The following CSMD1 variants were observed in gnomAD, a reference collection of about 807,000 sequenced individuals.
The protein encoded by CSMD1 is CUB and sushi domain-containing protein 1.
Under a neutral mutation model 417.5 loss-of-function variants are expected in CSMD1, and 213 were observed. The observed-to-expected ratio is 0.51, with a 90% CI of 0.46 to 0.57. CSMD1 has a LOEUF of 0.57. Ranked by LOEUF, CSMD1 falls within the 20% of genes least tolerant of loss-of-function variation. The pLI is 0.00. For missense variants in CSMD1, 6,923 were observed against 4,529.7 expected (o/e 1.53, Z -15.17); for synonymous variants, 2,862 against 1,736.8 (o/e 1.65, Z -16.11).
At chr8:4,387,742 C>G (rs1803553014) in intron 3 of CSMD1, among the ~76,000 whole-genome samples, 1 of 151,996 alleles carries the variant, frequency 6.6e-6, no homozygotes, top group Non-Finnish European at 1.5e-5. Flanking sequence ...CATATTTCTA[C>G]AACATATTCA....
intron 3 of CSMD1, among the ~76,000 whole-genome samples, chr8:4,339,279 A>T (rs1486948292): frequency 6.6e-6 from 1 of 152,136 alleles, no homozygotes; most frequent in Admixed American, 6.6e-5. Context: ...GAAGTTGATA[A>T]CTACTTCAAA....
intron 7 of CSMD1, among the ~76,000 whole-genome samples, chr8:3,663,494 G>A (rs1798525765): frequency 6.6e-6 from 1 of 152,060 alleles, no homozygotes; most frequent in Non-Finnish European, 1.5e-5. Flanking sequence ...ATGAACCTCA[G>A]GGCCCCAAAA....
intron 3 of CSMD1, among the ~76,000 whole-genome samples, chr8:4,179,159 A>G (rs191714622): frequency 6.6e-6 from 1 of 152,116 alleles, no homozygotes; most frequent in Non-Finnish European, 1.5e-5. Context: ...GAGGCATCAC[A>G]CTACCTGACT....
At chr8:3,902,191 C>G (rs1807801181) in intron 5 of CSMD1, among the ~76,000 whole-genome samples, 2 of 152,196 alleles carry the variant, frequency 1.3e-5, no homozygotes, top group African/African-American at 4.8e-5. Flanking sequence ...GAGAATCTCA[C>G]TTCTGATACT....
At chr8:4,754,906 A>G (rs1326592023) in intron 1 of CSMD1, among the ~76,000 whole-genome samples, 2 of 151,950 alleles carry the variant, frequency 1.3e-5, no homozygotes, top group Non-Finnish European at 2.9e-5. Flanking sequence ...TGTGAATCCA[A>G]GGTGGGTGGA....
chr8:4,009,098 G>C (rs1816356828), intron 4 of CSMD1, among the ~76,000 whole-genome samples: 1 of 152,136 alleles, frequency 6.6e-6, no homozygotes, highest in African/African-American at 2.4e-5. Flanking sequence ...ATGTTGTGCA[G>C]TTAAAAAATG....
intron 17 of CSMD1, among the ~76,000 whole-genome samples, chr8:3,389,797 G>A (rs1289223220): frequency 6.6e-6 from 1 of 152,114 alleles, no homozygotes; most frequent in Non-Finnish European, 1.5e-5. Context: ...ATTTCAAACT[G>A]AATAAACTCT....
intron 5 of CSMD1, among the ~76,000 whole-genome samples, chr8:3,902,755 T>G (rs191830715): frequency 2.6e-5 from 4 of 152,240 alleles, no homozygotes; most frequent in East Asian, 1.9e-4. Flanking sequence ...GGTACACATT[T>G]CTTTGTATCA....
intron 2 of CSMD1, among the ~76,000 whole-genome samples, chr8:4,463,866 T>C (rs142693081): frequency 6.6e-6 from 1 of 152,090 alleles, no homozygotes; most frequent in South Asian, 2.1e-4. Flanking sequence ...CACTGAAGAG[T>C]ACACTTCAGG....
At chr8:4,402,848 C>A in intron 3 of CSMD1, among the ~76,000 whole-genome samples, 1 of 115,100 alleles carries the variant, frequency 8.7e-6, no homozygotes, top group Non-Finnish European at 1.6e-5. Context: ...GGAGACAGAG[C>A]CTTGCTCTGT....
intron 33 of CSMD1, among the ~76,000 whole-genome samples, chr8:3,193,729 C>G (rs561931182): frequency 2.0e-5 from 3 of 152,090 alleles, no homozygotes; most frequent in Non-Finnish European, 4.4e-5. Context: ...GCCAGACAAC[C>G]GTGTTTCTTC....
chr8:3,066,640 G>A (rs1295470065), intron 49 of CSMD1, among the ~76,000 whole-genome samples: 1 of 152,138 alleles, frequency 6.6e-6, no homozygotes, highest in Non-Finnish European at 1.5e-5. Flanking sequence ...ATAATCACCT[G>A]TTTTAAAAAC....
At chr8:4,981,601 T>C (rs1810893153) in intron 1 of CSMD1, among the ~76,000 whole-genome samples, 1 of 152,216 alleles carries the variant, frequency 6.6e-6, no homozygotes, top group Non-Finnish European at 1.5e-5. Flanking sequence ...AAATACCTAT[T>C]TGTACTTAAT....
At chr8:3,725,979 T>C (rs1436417860) in intron 6 of CSMD1, among the ~76,000 whole-genome samples, 1 of 152,132 alleles carries the variant, frequency 6.6e-6, no homozygotes, top group Non-Finnish European at 1.5e-5. Flanking sequence ...GAAGTAATTG[T>C]GTGTGACTAC....
intron 3 of CSMD1, among the ~76,000 whole-genome samples, chr8:4,160,588 G>A (rs1237619405): frequency 6.6e-6 from 1 of 152,222 alleles, no homozygotes; most frequent in Non-Finnish European, 1.5e-5. Flanking sequence ...TGAGGCTGAA[G>A]CCTCCATTTA....
At chr8:4,060,710 G>A (rs965148548) in intron 3 of CSMD1, among the ~76,000 whole-genome samples, 1 of 152,022 alleles carries the variant, frequency 6.6e-6, no homozygotes, top group African/African-American at 2.4e-5. Context: ...CCTCCACATG[G>A]GAATTTTAAT....
chr8:4,466,359 G>T (rs1800168763), intron 2 of CSMD1, among the ~76,000 whole-genome samples: 1 of 152,060 alleles, frequency 6.6e-6, no homozygotes, highest in South Asian at 2.1e-4. Flanking sequence ...GGTTGACAAG[G>T]ACTAGCCATG....
chr8:4,273,759 G>C (rs1223848031), intron 3 of CSMD1, among the ~76,000 whole-genome samples: 3 of 152,158 alleles, frequency 2.0e-5, no homozygotes, highest in East Asian at 1.9e-4. Flanking sequence ...AGCTCAGCAA[G>C]ATGATTTAGC....
At chr8:4,420,357 C>G (rs1797178045) in intron 2 of CSMD1, among the ~76,000 whole-genome samples, 1 of 151,738 alleles carries the variant, frequency 6.6e-6, no homozygotes, top group Non-Finnish European at 1.5e-5. Context: ...TGGCAATTAT[C>G]TACTGCCAAC....
Sources: gnomAD v4.1 joint callset for allele counts (sites outside exome capture counted in the v4.1 genomes callset) on GRCh38, gnomAD v4.1.1 for gene constraint, MANE v1.5 for transcripts, NCBI Gene and HGNC (gene_info 2026-07-23, HGNC 2026-07-21) for gene names.